Variants in SPAG16 observed in about 807,000 individuals in gnomAD.
The protein encoded by SPAG16 is sperm-associated antigen 16 protein.
A neutral mutation model predicts 80.4 loss-of-function variants in SPAG16; 86 were observed. The observed-to-expected ratio is 1.07, with a 90% CI of 0.90 to 1.28. SPAG16 has a LOEUF of 1.28. Ranked by LOEUF, SPAG16 falls within the 50% of genes most tolerant of loss-of-function variation. The pLI, the probability that SPAG16 is intolerant of heterozygous loss-of-function variation, is 0.00. For missense variants in SPAG16, 870 were observed against 765.3 expected (o/e 1.14, Z -1.61); for synonymous variants, 294 against 265.9 (o/e 1.11, Z -1.03).
At chr2:213,598,838 A>G (rs2124960912) in intron 10 of SPAG16, among the ~76,000 whole-genome samples, 1 of 152,304 alleles carries the variant, frequency 6.6e-6, no homozygotes, top group African/African-American at 2.4e-5. Context: ...ATGAAACATA[A>G]CTAATTTTAG....
chr2:213,587,190 C>G (rs113888051), intron 10 of SPAG16, among the ~76,000 whole-genome samples: 120 of 152,284 alleles, frequency 7.9e-4, no homozygotes, highest in Non-Finnish European at 1.4e-3. Context: ...AATTTTCTTT[C>G]TGGGCCCTAC....
intron 15 of SPAG16, among the ~76,000 whole-genome samples, chr2:214,310,858 A>G (rs1456820468): frequency 1.3e-5 from 2 of 152,018 alleles, no homozygotes; most frequent in Non-Finnish European, 2.9e-5. Flanking sequence ...CAAACAGATG[A>G]CTCTGCAGTT....
chr2:213,609,995 C>T (rs528849397), intron 10 of SPAG16, among the ~76,000 whole-genome samples: 23 of 152,230 alleles, frequency 1.5e-4, no homozygotes, highest in Admixed American at 8.5e-4. Flanking sequence ...TTGGCTAAGG[C>T]TCCTGGCTGA....
At chr2:213,862,435 A>G (rs772531823) in intron 10 of SPAG16, 50 bp from the exon 11 acceptor site, 1 of 1,589,602 alleles carries the variant, frequency 6.3e-7, no homozygotes, top group Non-Finnish European at 8.6e-7. Flanking sequence ...ATATTCTGAA[A>G]ACATTTGCTA....
At chr2:214,392,097 G>T (rs1165280857) in intron 15 of SPAG16, among the ~76,000 whole-genome samples, 12 of 152,078 alleles carry the variant, frequency 7.9e-5, no homozygotes, top group Admixed American at 7.9e-4. Flanking sequence ...CAAAGAAAAT[G>T]CCTACAGATA....
intron 5 of SPAG16, among the ~76,000 whole-genome samples, chr2:213,335,378 G>T (rs938161474): frequency 2.6e-5 from 4 of 151,980 alleles, no homozygotes; most frequent in Admixed American, 2.6e-4. Context: ...TATCTTTTTT[G>T]TTAAAGTGAG....
chr2:213,851,854 A>G (rs2105911204), intron 10 of SPAG16, among the ~76,000 whole-genome samples: 1 of 152,362 alleles, frequency 6.6e-6, no homozygotes, highest in Middle Eastern at 3.4e-3. Context: ...CACTCTAGTA[A>G]AAAATGAAAG....
At chr2:213,802,673 G>C (rs1394797613) in intron 10 of SPAG16, among the ~76,000 whole-genome samples, 1 of 152,080 alleles carries the variant, frequency 6.6e-6, no homozygotes, top group African/African-American at 2.4e-5. Context: ...ATAACATTAA[G>C]AGTATTCATG....
At chr2:214,307,698 T>A (rs61162445) in intron 15 of SPAG16, among the ~76,000 whole-genome samples, 35,236 of 151,958 alleles carry the variant, frequency 0.23, 4,252 homozygotes, top group East Asian at 0.34. Context: ...TGTAATTGTA[T>A]CTTTTTGAGC....
In SPAG16 at chr2:213,651,823, G is replaced by A. The variant is rs546399593; in HGVS notation, c.1070+161733G>A. ...CAATTGATTAATATTTCTAAGTTTT[G>A]TTTTATAAATTGACTTTCATTGAGA... On this transcript the variant is annotated intron_variant, in intron 10 of 15. Coordinates refer to ENST00000331683, the MANE Select transcript of SPAG16 (RefSeq NM_024532.5). Among the ~76,000 whole-genome samples, 3 of 152,092 alleles carry A rather than the reference G, an allele frequency of 2.0e-5. No homozygotes were observed. The South Asian group carries it at 6.2e-4, about 32-fold the overall frequency.
At chr2:213,477,490 C>T (rs2073475096) in intron 9 of SPAG16, among the ~76,000 whole-genome samples, 1 of 152,152 alleles carries the variant, frequency 6.6e-6, no homozygotes, top group African/African-American at 2.4e-5. Flanking sequence ...CATGGGAGCC[C>T]ATCTCATGCA....
At chr2:213,950,779 G>A (rs1365546146) in intron 12 of SPAG16, among the ~76,000 whole-genome samples, 1 of 145,206 alleles carries the variant, frequency 6.9e-6, no homozygotes, top group Non-Finnish European at 1.5e-5. Context: ...CATGATCACG[G>A]CTCACTGCAG....
At chr2:213,755,487 C>A (rs1006533058) in intron 10 of SPAG16, among the ~76,000 whole-genome samples, 1 of 152,168 alleles carries the variant, frequency 6.6e-6, no homozygotes, top group Non-Finnish European at 1.5e-5. Flanking sequence ...GTAAACATCT[C>A]AAACACAAAG....
In SPAG16 at chr2:214,179,675, A is replaced by C. The variant is rs2057247280; in HGVS notation, c.1720+30409A>C. Among the ~76,000 whole-genome samples, 5 of 151,482 alleles carry C rather than the reference A, an allele frequency of 3.3e-5. No individual in the cohort carries two copies. The South Asian group carries it at 8.3e-4, about 25-fold the overall frequency. On this transcript the variant is annotated intron_variant, in intron 15 of 15. Coordinates refer to ENST00000331683, the MANE Select transcript of SPAG16 (RefSeq NM_024532.5). ...AGTGCTCTCAATAGAATAGATATGA[A>C]TGTGCTTAGATAAATGTATGGCTAC...
At chr2:213,661,466 G>A (rs2063424615) in intron 10 of SPAG16, among the ~76,000 whole-genome samples, 1 of 152,102 alleles carries the variant, frequency 6.6e-6, no homozygotes, top group Non-Finnish European at 1.5e-5. Flanking sequence ...TTTCTAATAT[G>A]AATGGAATGC....
intron 2 of SPAG16, chr2:213,296,951 C>A: frequency 2.8e-6 from 2 of 705,324 alleles, no homozygotes; most frequent in Non-Finnish European, 3.9e-6. Context: ...TGAGATGGGG[C>A]AAGAATGGTG....
At chr2:213,383,740 C>A (rs1453474454) in intron 9 of SPAG16, among the ~76,000 whole-genome samples, 1 of 152,158 alleles carries the variant, frequency 6.6e-6, no homozygotes, top group Non-Finnish European at 1.5e-5. Flanking sequence ...AATCATAACA[C>A]ACAAAGCTTA....
intron 10 of SPAG16, among the ~76,000 whole-genome samples, chr2:213,627,958 A>C: frequency 6.6e-6 from 1 of 152,184 alleles, no homozygotes; most frequent in Non-Finnish European, 1.5e-5. Flanking sequence ...CTTTCTTTCA[A>C]TATAGAAATG....
At chr2:213,302,443 GT>G (rs1384235039) in intron 3 of SPAG16, 1 of 152,064 alleles carries the variant, frequency 6.6e-6, no homozygotes, top group Non-Finnish European at 1.5e-5. Flanking sequence ...GTATTATAAT[GT>G]TTTGTTTTTG....
Sources: gnomAD v4.1 joint callset for allele counts (sites outside exome capture counted in the v4.1 genomes callset) on GRCh38, gnomAD v4.1.1 for gene constraint, MANE v1.5 for transcripts, NCBI Gene and HGNC (gene_info 2026-07-23, HGNC 2026-07-21) for gene names.